The following ADAMTS13 variants were observed in gnomAD, a reference collection of about 807,000 sequenced individuals.
ADAMTS13 encodes the protein A disintegrin and metalloproteinase with thrombospondin motifs 13.
ADAMTS13 carries 110 observed loss-of-function variants against 155.1 expected under a neutral mutation model. The observed-to-expected ratio is 0.71, with a 90% CI of 0.61 to 0.83. ADAMTS13 has a LOEUF of 0.83. ADAMTS13 is among the 40% of genes least tolerant of loss of function. The probability of loss-of-function intolerance (pLI) is 0.00; values close to 1 mark genes in which losing one functional copy is unlikely to be tolerated. For synonymous variants in ADAMTS13, 758 were observed against 756.4 expected (o/e 1.00, Z -0.03); for missense variants, 1,707 against 1,891.7 (o/e 0.90, Z 1.81).
At position 133,456,000 on chromosome 9, in the gene ADAMTS13, G is replaced by A. The variant is rs1002549121; in HGVS notation, c.3401-69G>A. ...CCTCCTGGTCTCCTTCCTCAGCTTG[G>A]AAGCCCCGGAGCCTGCCCTGCTGGG... is the stretch of plus-strand genomic sequence containing the variant. On this transcript the variant is annotated intron_variant, in intron 25 of 28. Transcript: ENST00000355699. 5 of 1,606,336 alleles carry A rather than the reference G, an allele frequency of 3.1e-6. No individual in the cohort carries two copies. In the South Asian group the frequency reaches 3.3e-5, roughly 11 times the overall value.
At chr9:133,426,127 C>A (rs1376016059) in intron 5 of ADAMTS13, 65 bp downstream of exon 5, 13 of 1,613,804 alleles carry the variant, frequency 8.1e-6, no homozygotes, top group Middle Eastern at 3.3e-4. Flanking sequence ...CAGCCTCCTG[C>A]CCTCTGCAAA....
rs781958186 is a variant in ADAMTS13, at chr9:133,425,658, C to T, written c.414+46C>T. On this transcript the variant is annotated intron_variant, in intron 4 of 28. Coordinates refer to ENST00000355699, the MANE Select transcript of ADAMTS13 (RefSeq NM_139027.6). The surrounding 1 kb of genome is among the most constrained non-coding windows in gnomAD (Gnocchi z 4.6). ...CAGCACACCATACAGAGCGGGAAGC[C>T]CAAGTCATCGCATCTCCATCCTCTT... is the stretch of plus-strand genomic sequence containing the variant. 6.3e-7 allele frequency: 1 copy of T among 1,589,790 alleles called. No homozygotes were observed. The highest frequency in any genetic ancestry group is 8.6e-7 in the Non-Finnish European group (1 of 1,164,096).
intron 6 of ADAMTS13, among the ~76,000 whole-genome samples, chr9:133,427,348 G>C (rs782114630): frequency 6.6e-6 from 1 of 152,122 alleles, no homozygotes; most frequent in Non-Finnish European, 1.5e-5. Flanking sequence ...CATTTCTTTA[G>C]TTTTTTAAGT....
In ADAMTS13 at chr9:133,440,316, A is replaced by G. The variant is rs36221214; in HGVS notation, c.1787-28A>G. The G allele has an allele frequency of 2.4e-4, 394 of 1,613,566 alleles. 1 individual carries two copies. Among genetic ancestry groups the G allele is most frequent in the Admixed American group, 4.3e-4 (26 of 60,028 alleles). On this transcript the variant is annotated intron_variant, in intron 15 of 28. Coordinates refer to ENST00000355699, the MANE Select transcript of ADAMTS13 (RefSeq NM_139027.6). This position sits in a 1 kb window ranked among gnomAD's most constrained non-coding sequence, Gnocchi z 4.3. ...GAGGAGGATGGGTGCTCAGCTCCAC[A>G]CAGCTAACAGGGCTGGTTCCCCGAC...
At chr9:133,458,396 A>G (rs917788782) in intron 28 of ADAMTS13, among the ~76,000 whole-genome samples, 3 of 151,870 alleles carry the variant, frequency 2.0e-5, no homozygotes, top group Non-Finnish European at 4.4e-5. Context: ...TCTCTACTAA[A>G]AATAGAAAAA....
chr9:133,442,347 C>T, intron 16 of ADAMTS13, 52 bp from the exon 17 acceptor site: 1 of 1,613,380 alleles, frequency 6.2e-7, no homozygotes, highest in Non-Finnish European at 8.5e-7. Flanking sequence ...GTGGCCATGA[C>T]AGTGACCCTC....
In ADAMTS13 at chr9:133,459,289, CT is replaced by C; in HGVS notation, c.*111del. The C allele has an allele frequency of 1.8e-6, 2 of 1,138,252 alleles. No homozygotes were observed. The highest frequency in any genetic ancestry group is 2.6e-6 in the Non-Finnish European group (2 of 777,626). The allele number at this position is 1,138,252 out of a possible 1,614,324, so 70.5% of individuals were successfully genotyped here. A position where few individuals can be genotyped will look rare whatever the true frequency, so the allele number is the denominator to read the frequency against. On this transcript the variant is annotated 3_prime_UTR_variant, in exon 29 of 29. Coordinates refer to ENST00000355699, the MANE Select transcript of ADAMTS13 (RefSeq NM_139027.6). Reference sequence around the variant, plus strand: ...CAATCTTAGGTATCTACTTTAGAGTCTTCTCCAATGTCCAAAAGGCTAGGGG... The same window carrying C: ...CAATCTTAGGTATCTACTTTAGAGTCTCTCCAATGTCCAAAAGGCTAGGGG...
At chr9:133,450,765 A>G (rs1324857060) in intron 23 of ADAMTS13, among the ~76,000 whole-genome samples, 1 of 152,022 alleles carries the variant, frequency 6.6e-6, no homozygotes, top group Non-Finnish European at 1.5e-5. Context: ...CAAAACAACA[A>G]AACAAAACAA....
In ADAMTS13 at chr9:133,440,550, C is replaced by A; in HGVS notation, c.1968+25C>A. 1 of 1,568,388 alleles carries A rather than the reference C, an allele frequency of 6.4e-7. No homozygotes were observed. The highest frequency in any genetic ancestry group is 1.1e-5 in the South Asian group (1 of 87,006). On this transcript the variant is annotated intron_variant, in intron 16 of 28. Transcript: ENST00000355699. The surrounding 1 kb of genome is among the most constrained non-coding windows in gnomAD (Gnocchi z 4.3). ...GGTCAGCAGGAGAGCCTGGGGGAGG[C>A]CAGTGGGGGCTTCTTCTTGGGGGCT...
chr9:133,417,738 C>T (rs1256672011), upstream of ADAMTS13: 5 of 1,614,034 alleles, frequency 3.1e-6, no homozygotes, highest in Admixed American at 3.3e-5. Flanking sequence ...TTTCCAAAAC[C>T]TTTTTTTCTT....
intron 7 of ADAMTS13, chr9:133,429,708 C>G: frequency 1.4e-6 from 1 of 702,744 alleles, no homozygotes; most frequent in Non-Finnish European, 2.6e-6. Context: ...AGACCCGTCC[C>G]TCCGTCGCCG....
At chr9:133,416,976 C>T (rs7038253) in intron 1 of ADAMTS13, among the ~76,000 whole-genome samples, 9,149 of 152,276 alleles carry the variant, frequency 0.06, 846 homozygotes, top group African/African-American at 0.2. Flanking sequence ...CAGGAATCTT[C>T]TTTCTCCCTG....
chr9:133,446,363 C>T (rs782106264), intron 21 of ADAMTS13, among the ~76,000 whole-genome samples: 41 of 152,202 alleles, frequency 2.7e-4, no homozygotes, highest in Non-Finnish European at 5.0e-4. Context: ...CAGCCCCTGG[C>T]AACCTCCATT....
In ADAMTS13 at chr9:133,425,752, C is replaced by A; in HGVS notation, c.414+140C>A. 7.2e-7 allele frequency: 1 copy of A among 1,381,418 alleles called. No individual in the cohort carries two copies. The highest frequency in any genetic ancestry group is 1.0e-6 in the Non-Finnish European group (1 of 1,000,348). 85.6% of individuals were successfully genotyped at this position (1,381,418 alleles called of 1,614,324 possible). A position where few individuals can be genotyped will look rare whatever the true frequency, so the allele number is the denominator to read the frequency against. On this transcript the variant is annotated intron_variant, in intron 4 of 28. Transcript: ENST00000355699. This position sits in a 1 kb window ranked among gnomAD's most constrained non-coding sequence, Gnocchi z 4.6. ...TGCATTCAGCCAGACAGACCAGCTG[C>A]CCTCCCAGCTCTACCCAGCACTCAG... is the stretch of plus-strand genomic sequence containing the variant.
Position 133,454,624 on chromosome 9 carries a change from G to A in ADAMTS13, c.3249+5G>A, listed in dbSNP as rs782607434. The A allele has an allele frequency of 1.3e-6, 2 of 1,591,710 alleles. No individual in the cohort carries two copies. Among genetic ancestry groups the A allele is most frequent in the Non-Finnish European group, 8.5e-7 (1 of 1,175,462 alleles). ...CATGTTGGCACCTGGATGGAGGTGAGCACAGCGGGCACTCGGAATCCCTAT... is the reference window on the plus strand; with the variant it reads ...CATGTTGGCACCTGGATGGAGGTGAACACAGCGGGCACTCGGAATCCCTAT... On this transcript the variant is annotated splice_donor_5th_base_variant and intron_variant, in intron 24 of 28. Transcript: ENST00000355699.
At chr9:133,414,727 T>C (rs2130734207) in intron 1 of ADAMTS13, 7 of 1,614,184 alleles carry the variant, frequency 4.3e-6, no homozygotes, top group Non-Finnish European at 5.9e-6. Context: ...TGTCCCCTCG[T>C]TCTGGAACAA....
rs782478560 is a variant in ADAMTS13, at chr9:133,454,607, C to T, written c.3237C>T (p.Gly1079=). 1 of 1,601,972 alleles carries T rather than the reference C, an allele frequency of 6.2e-7. No individual in the cohort carries two copies. Among genetic ancestry groups the T allele is most frequent in the East Asian group, 2.2e-5 (1 of 44,824 alleles). The change falls in exon 24 of 29, where the codon GGC becomes GGT. Residue 1079 remains glycine, a synonymous_variant. Coordinates refer to ENST00000355699, the MANE Select transcript of ADAMTS13 (RefSeq NM_139027.6). ...ACTGCACCTACCGCTGGCATGTTGG[C>T]ACCTGGATGGAGGTGAGCACAGCGG... ...IADCTYRWHV[G]TWMECSVSCG...
rs1554790066 is a variant in ADAMTS13 at position 133,439,449 on chromosome 9, G to A, written c.1786+3G>A. On this transcript the variant is annotated splice_donor_region_variant and intron_variant, in intron 15 of 28. Transcript: ENST00000355699. ...CAGGCCTCTCTTCACACACTTGGGT[G>A]AGTTGACTGGAGGACTCCCACCCAG... The A allele has an allele frequency of 6.2e-7, 1 of 1,612,642 alleles. No homozygotes were observed. The highest frequency in any genetic ancestry group is 1.3e-5 in the African/African-American group (1 of 75,030).
intron 24 of ADAMTS13, 27 bp downstream of exon 24, chr9:133,454,646 C>T (rs1554795220): frequency 1.9e-6 from 3 of 1,571,372 alleles, no homozygotes; most frequent in African/African-American, 2.7e-5. Context: ...CTCGGAATCC[C>T]TATGGGGCTG....
Sources: allele counts gnomAD v4.1 joint callset (sites outside exome capture counted in the v4.1 genomes callset), GRCh38; gene constraint gnomAD v4.1.1; non-coding constraint Gnocchi (gnomAD v3.1); transcripts MANE v1.5; gene names NCBI Gene and HGNC (gene_info 2026-07-23, HGNC 2026-07-21).